Variants in PHLDB2 observed in about 807,000 individuals in gnomAD.
The protein encoded by PHLDB2 is pleckstrin homology-like domain family B member 2.
Under a neutral mutation model 123.6 loss-of-function variants are expected in PHLDB2, and 71 were observed. The ratio of observed to expected loss-of-function variants is 0.57; its 90% confidence interval spans 0.47 to 0.70. The LOEUF (loss-of-function observed/expected upper bound fraction) is 0.70. PHLDB2 is among the 30% of genes least tolerant of loss of function. The pLI, the probability that PHLDB2 is intolerant of heterozygous loss-of-function variation, is 0.00. For missense variants in PHLDB2, 1,446 were observed against 1,519.5 expected, an observed-to-expected ratio of 0.95 and a Z score of 0.80; for synonymous variants, 547 against 541.6, an observed-to-expected ratio of 1.01 and a Z score of -0.14.
intron 1 of PHLDB2, among the ~76,000 whole-genome samples, chr3:111,751,003 A>G (rs1408720816): frequency 6.6e-6 from 1 of 151,926 alleles, no homozygotes; most frequent in African/African-American, 2.4e-5. Flanking sequence ...TGAACCATAT[A>G]TGCCAGAGAA....
At chr3:111,873,866 C>A (rs1307481131) in intron 1 of PHLDB2, among the ~76,000 whole-genome samples, 2 of 152,044 alleles carry the variant, frequency 1.3e-5, no homozygotes, top group Non-Finnish European at 2.9e-5. Context: ...GCTGCTTGGA[C>A]CCAGGAGGGC....
At chr3:111,959,005 T>G (rs1283085680) in intron 12 of PHLDB2, among the ~76,000 whole-genome samples, 1 of 152,272 alleles carries the variant, frequency 6.6e-6, no homozygotes, top group Non-Finnish European at 1.5e-5. Flanking sequence ...CTGCATCCCC[T>G]TTCCTGATAA....
At position 111,747,967 on chromosome 3, in the gene PHLDB2, G is replaced by A. The variant is rs72945303; in HGVS notation, c.-49+15264G>A. On this transcript the variant is annotated intron_variant, in intron 1 of 17. Coordinates refer to the PHLDB2 transcript ENST00000393923. The stretch of plus-strand genomic sequence containing the variant: ...GGCAACTGGATGCGCTGGAGCTTCT[G>A]GTCCTACAGAGCTGGGATTAACCCA... Among the ~76,000 whole-genome samples the A allele has an allele frequency of 7.3e-3, 1,106 of 152,288 alleles. 23 individuals are homozygous for A. The highest frequency in any genetic ancestry group is 0.025 in the African/African-American group (1,050 of 41,560).
chr3:111,920,824 C>T (rs754445416), intron 5 of PHLDB2, among the ~76,000 whole-genome samples: 1 of 152,122 alleles, frequency 6.6e-6, no homozygotes, highest in Non-Finnish European at 1.5e-5. Flanking sequence ...ATAGGGTTGC[C>T]TCATTTCTTT....
chr3:111,807,772 A>AAGAAGG (rs1469556982), intron 1 of PHLDB2, among the ~76,000 whole-genome samples: 1 of 152,064 alleles, frequency 6.6e-6, no homozygotes, highest in Admixed American at 6.6e-5. Context: ...AAAGGAGAAG[A>AAGAAGG]AGAAGGAGAA....
At chr3:111,895,497 T>A (rs1048467834) in intron 2 of PHLDB2, among the ~76,000 whole-genome samples, 2 of 152,126 alleles carry the variant, frequency 1.3e-5, no homozygotes, top group Admixed American at 1.3e-4. Flanking sequence ...TAAATAAAAT[T>A]TGTAGAAAGA....
chr3:111,953,405 T>C (rs1421337618), intron 11 of PHLDB2, among the ~76,000 whole-genome samples: 1 of 152,202 alleles, frequency 6.6e-6, no homozygotes, highest in African/African-American at 2.4e-5. Context: ...TTTGTTTTAA[T>C]CTGTTTTATA....
At chr3:111,757,636 G>A (rs1480303591) in intron 1 of PHLDB2, among the ~76,000 whole-genome samples, 2 of 152,216 alleles carry the variant, frequency 1.3e-5, no homozygotes, top group African/African-American at 2.4e-5. Flanking sequence ...TCCTCTGGAG[G>A]AGGAGAGGCA....
At chr3:111,835,579 G>A (rs10804493) in intron 1 of PHLDB2, among the ~76,000 whole-genome samples, 85,088 of 152,076 alleles carry the variant, frequency 0.56, 25,075 homozygotes, top group Middle Eastern at 0.78. Flanking sequence ...AAAACTCAGC[G>A]GCTTAAAACA....
intron 1 of PHLDB2, chr3:111,859,794 G>A: frequency 6.1e-6 from 6 of 985,572 alleles, no homozygotes; most frequent in Non-Finnish European, 7.2e-6. Flanking sequence ...GGCTCACGGA[G>A]GGAGACAGGG....
intron 1 of PHLDB2, among the ~76,000 whole-genome samples, chr3:111,782,571 T>C (rs1367366264): frequency 6.6e-6 from 1 of 152,086 alleles, no homozygotes; most frequent in East Asian, 1.9e-4. Flanking sequence ...TCTGTTTTGG[T>C]TTCAGTTTAA....
chr3:111,813,031 G>C (rs568211460), intron 1 of PHLDB2, among the ~76,000 whole-genome samples: 2 of 152,138 alleles, frequency 1.3e-5, no homozygotes, highest in South Asian at 2.1e-4. Context: ...AGAGACCAAG[G>C]CTTCAATAAT....
intron 1 of PHLDB2, among the ~76,000 whole-genome samples, chr3:111,874,207 A>G (rs1488826162): frequency 6.6e-6 from 1 of 152,066 alleles, no homozygotes; most frequent in African/African-American, 2.4e-5. Context: ...CTCCTTCATC[A>G]TTTCTTTATA....
chr3:111,884,608 G>C lies in PHLDB2; in HGVS notation c.531G>C (p.Leu177=), dbSNP rs1404692715. 6.2e-7 allele frequency: 1 copy of C among 1,614,100 alleles called. No homozygotes were observed. The highest frequency in any genetic ancestry group is 8.5e-7 in the Non-Finnish European group (1 of 1,180,010). ...GTCGGAAGGCATCTGGCTCGCTCCTGGCCATGTGGAATGGAAGTTCCCTGA... is the reference window on the plus strand; with the variant it reads ...GTCGGAAGGCATCTGGCTCGCTCCTCGCCATGTGGAATGGAAGTTCCCTGA... The part of the protein sequence containing the change: ...LEGRKASGSL[L]AMWNGSSLSD... Residue 177 remains leucine, a synonymous_variant, in exon 2 of 18, where the codon CTG becomes CTC. Transcript: ENST00000431670.
At chr3:111,967,589 TAG>T (rs1290100687) in intron 14 of PHLDB2, 87 bp from the exon 15 acceptor site, 14 of 1,338,852 alleles carry the variant, frequency 1.0e-5, no homozygotes, top group Non-Finnish European at 1.3e-5. Context: ...AAGATTTGTC[TAG>T]TAAGAATTGT....
chr3:111,738,909 G>A (rs2059553216), intron 1 of PHLDB2, among the ~76,000 whole-genome samples: 1 of 152,120 alleles, frequency 6.6e-6, no homozygotes, highest in Non-Finnish European at 1.5e-5. Context: ...CCAACTGAAT[G>A]GTACAGCACA....
chr3:111,851,196 A>T (rs1375048663), intron 2 of PHLDB2, among the ~76,000 whole-genome samples: 4 of 23,402 alleles, frequency 1.7e-4, no homozygotes, highest in Admixed American at 1.1e-3. Flanking sequence ...TTCTGTCTTA[A>T]AAAAAAAAAA....
chr3:111,748,829 C>T (rs1374091413), intron 1 of PHLDB2, among the ~76,000 whole-genome samples: 6 of 151,962 alleles, frequency 3.9e-5, no homozygotes, highest in Non-Finnish European at 5.9e-5. Context: ...GCCATCACCT[C>T]TTTTTTCTTG....
intron 1 of PHLDB2, among the ~76,000 whole-genome samples, chr3:111,829,697 G>C (rs1482203881): frequency 1.3e-5 from 2 of 151,778 alleles, no homozygotes; most frequent in Non-Finnish European, 2.9e-5. Context: ...CTCCTGACCT[G>C]GTGATCCGCC....
Sources: gnomAD v4.1 joint callset for allele counts (sites outside exome capture counted in the v4.1 genomes callset) on GRCh38, gnomAD v4.1.1 for gene constraint, MANE v1.5 for transcripts, NCBI Gene and HGNC (gene_info 2026-07-23, HGNC 2026-07-21) for gene names.